POGK: variants seen among roughly 807,000 people sequenced by gnomAD.
POGK encodes pogo transposable element derived with KRAB domain, also known as pogo transposable element with KRAB domain.
Under a neutral mutation model 54.4 loss-of-function variants are expected in POGK, and 16 were observed. That is an observed-to-expected ratio of 0.29 (90% CI 0.20 to 0.45). The LOEUF is 0.45. Ranked by LOEUF, POGK falls within the 20% of genes least tolerant of loss-of-function variation. POGK has a pLI of 1.00. For synonymous variants in POGK, 271 were observed against 302.2 expected, an observed-to-expected ratio of 0.90 and a Z score of 1.07; for missense variants, 515 against 795.6, an observed-to-expected ratio of 0.65 and a Z score of 4.24.
Position 166,841,103 on chromosome 1 carries a change from G to A in POGK, c.132+15G>A. The A allele has an allele frequency of 6.2e-7, 1 of 1,612,720 alleles. No homozygotes were observed. The highest frequency in any genetic ancestry group is 1.7e-5 in the Admixed American group (1 of 59,984). ...AGGGCGGATGGGTAAGTAAGAAGGT[G>A]TGGAGTCCACACAGCCAGCAGATGC... On this transcript the variant is annotated intron_variant, in intron 2 of 5. Coordinates refer to ENST00000367876, the MANE Select transcript of POGK (RefSeq NM_017542.5).
Position 166,846,673 on chromosome 1 carries a change from C to T in POGK, c.194C>T (p.Thr65Met), listed in dbSNP as rs1461325646. The change falls in exon 3 of 6, where the codon ACG becomes ATG. Residue 65 changes from threonine to methionine, a missense_variant. Around this residue, in one of 2 missense-constraint regions of POGK, gnomAD observed 461 missense variants for 743.5 expected, o/e 0.62. Coordinates refer to ENST00000367876, the MANE Select transcript of POGK (RefSeq NM_017542.5). ...TCCGATGAGGAATGGGAAGTTTTGA[C>T]GGAGCAACAAAAGGCCCTCTACCGG... ...YFSDEEWEVL[T>M]EQQKALYREV... The T allele has an allele frequency of 2.5e-6, 4 of 1,613,984 alleles. No homozygotes were observed. The highest frequency in any genetic ancestry group is 3.4e-6 in the Non-Finnish European group (4 of 1,180,018).
intron 2 of POGK, among the ~76,000 whole-genome samples, chr1:166,843,125 T>C (rs1418793113): frequency 6.6e-6 from 1 of 152,224 alleles, no homozygotes; most frequent in Non-Finnish European, 1.5e-5. Context: ...TTAGTCATTA[T>C]GGAATCAGCC....
intron 2 of POGK, among the ~76,000 whole-genome samples, chr1:166,841,398 A>C (rs1255872107): frequency 6.6e-6 from 1 of 152,232 alleles, no homozygotes; most frequent in Non-Finnish European, 1.5e-5. Context: ...GTAGGCACCA[A>C]GTAAATGTTT....
Position 166,849,972 on chromosome 1 carries a change from C to T in POGK, c.1393C>T (p.Arg465Ter), listed in dbSNP as rs1657993683. The change falls in exon 5 of 6, where the codon CGA becomes TGA. Residue 465 changes from arginine (R) to a stop codon, truncating the protein, a stop_gained. Coordinates refer to ENST00000367876, the MANE Select transcript of POGK (RefSeq NM_017542.5). LOFTEE classifies it high-confidence loss of function. Reference sequence around the variant, plus strand: ...GAGGACAGGAGCAGTGCCCAAGCAGCGAGGGATGCTGATCTTGAATGGCTT... The same window carrying T: ...GAGGACAGGAGCAGTGCCCAAGCAGTGAGGGATGCTGATCTTGAATGGCTT... The part of the protein sequence containing the change: ...RRRTGAVPKQ[R>*]GMLILNGFRG... 1.2e-6 allele frequency: 2 copies of T among 1,614,166 alleles called. No individual in the cohort carries two copies. Among genetic ancestry groups the T allele is most frequent in the Non-Finnish European group, 8.5e-7 (1 of 1,180,036 alleles).
chr1:166,847,066 A>C (rs1454688162), intron 3 of POGK, among the ~76,000 whole-genome samples: 2 of 152,168 alleles, frequency 1.3e-5, no homozygotes, highest in Non-Finnish European at 2.9e-5. Flanking sequence ...CGTTAATGTT[A>C]CCCTGTCAGC....
chr1:166,849,383 A>T lies in POGK; in HGVS notation c.804A>T (p.Glu268Asp). Residue 268 changes from glutamate (E) to aspartate (D), a missense_variant, in exon 5 of 6, where the codon GAA (glutamate) becomes GAT (aspartate). By Grantham distance (45) the Glu-to-Asp change is conservative. Transcript: ENST00000367876. ...CTCTGGTGGACCAGCGTGTGGCCGA[A>T]TATGTCAGATACATGCAGGCCAAAG... Reference protein sequence around the residue: ...RFALVDQRVAEYVRYMQAKGD... With the variant: ...RFALVDQRVADYVRYMQAKGD... 5.6e-6 allele frequency: 9 copies of T among 1,614,218 alleles called. 1 individual carries two copies. The East Asian group carries it at 2.0e-4, about 36-fold the overall frequency.
chr1:166,848,689 G>A (rs1320309227), intron 4 of POGK, among the ~76,000 whole-genome samples: 1 of 152,186 alleles, frequency 6.6e-6, no homozygotes, highest in Non-Finnish European at 1.5e-5. Flanking sequence ...AACCTCTGTA[G>A]CCTCCCCTTC....
At position 166,849,333 on chromosome 1, in the gene POGK, C is replaced by T. The variant is rs774520557; in HGVS notation, c.754C>T (p.Arg252Ter). 2 of 1,614,154 alleles carry T rather than the reference C, an allele frequency of 1.2e-6. No individual in the cohort carries two copies. Among genetic ancestry groups the T allele is most frequent in the South Asian group, 1.1e-5 (1 of 91,082 alleles). The change falls in exon 5 of 6, where the codon CGA becomes TGA. Residue 252 changes from arginine (R) to a stop codon, truncating the protein, a stop_gained. Coordinates refer to ENST00000367876, the MANE Select transcript of POGK (RefSeq NM_017542.5). LOFTEE classifies it high-confidence loss of function. ...QNAHAMRRAF[R>*]GPKNGRFALV... ...CGCCCACGCCATGCGGCGGGCATTC[C>T]GAGGCCCCAAGAATGGGAGGTTTGC...
In POGK at chr1:166,854,635, GAC is replaced by G. The variant is rs1274399738; in HGVS notation, c.*2069_*2070del. 6.6e-6 allele frequency: 1 copy of G among 152,182 alleles called. No homozygotes were observed. Among genetic ancestry groups the G allele is most frequent in the Non-Finnish European group, 1.5e-5 (1 of 68,046 alleles). 9.4% of individuals were successfully genotyped at this position (152,182 alleles called of 1,614,324 possible). ...TGTAAGTAATATTGGTATCTGTGAA[GAC>G]ACAGGGAAGAACGTGTGCAGTGGGG... On this transcript the variant is annotated 3_prime_UTR_variant, in exon 6 of 6. Transcript: ENST00000367876.
At chr1:166,850,804 A>G (rs1027863692) in intron 5 of POGK, 1 of 162,532 alleles carries the variant, frequency 6.2e-6, no homozygotes, top group African/African-American at 2.4e-5. Context: ...CCTACCACCC[A>G]CTACCCCGCA....
intron 1 of POGK, 23 bp downstream of exon 1, chr1:166,839,627 G>A (rs1033396710): frequency 6.8e-6 from 1 of 146,252 alleles, no homozygotes. Flanking sequence ...GGGCGGGGGC[G>A]GCGGCGGCGC....
intron 2 of POGK, among the ~76,000 whole-genome samples, chr1:166,844,077 T>C (rs981058669): frequency 5.9e-5 from 9 of 152,206 alleles, no homozygotes; most frequent in African/African-American, 2.2e-4. Flanking sequence ...GTGAGGAGAA[T>C]GTCTAAGCCA....
chr1:166,848,482 G>A (rs1192008402), intron 4 of POGK, among the ~76,000 whole-genome samples: 3 of 152,178 alleles, frequency 2.0e-5, no homozygotes, highest in Non-Finnish European at 4.4e-5. Context: ...GGTTTTCTTG[G>A]TTCTAAAGGG....
In POGK at chr1:166,849,596, C is replaced by T. The variant is rs1657977308; in HGVS notation, c.1017C>T (p.Leu339=). 5 of 1,614,146 alleles carry T rather than the reference C, an allele frequency of 3.1e-6. No homozygotes were observed. Among genetic ancestry groups the T allele is most frequent in the Middle Eastern group, 1.6e-4 (1 of 6,084 alleles). ...TGCCGGAAGACCTGACTGAGAAACTCGTCACTTACCAGCGCAGTGTCCTGG... is the reference window on the plus strand; with the variant it reads ...TGCCGGAAGACCTGACTGAGAAACTTGTCACTTACCAGCGCAGTGTCCTGG... The part of the protein sequence containing the change: ...QHLPEDLTEK[L]VTYQRSVLAL... Residue 339 remains leucine, a synonymous_variant, in exon 5 of 6, where the codon CTC becomes CTT. Transcript: ENST00000367876.
At chr1:166,841,716 A>G (rs963175801) in intron 2 of POGK, among the ~76,000 whole-genome samples, 19 of 152,252 alleles carry the variant, frequency 1.2e-4, no homozygotes, top group Non-Finnish European at 2.4e-4. Flanking sequence ...AATAGTAAAC[A>G]TTTTAAATAA....
intron 4 of POGK, 132 bp downstream of exon 4, chr1:166,847,724 T>C: frequency 1.5e-6 from 1 of 661,398 alleles, no homozygotes; most frequent in East Asian, 2.8e-5. Context: ...TCTCCCTCTT[T>C]GCAGTGCTAA....
rs2232526 is a variant in POGK, at chr1:166,853,329, A to G, written c.*759A>G. The G allele has an allele frequency of 0.054, 8,162 of 152,534 alleles. 317 individuals are homozygous for G. Among genetic ancestry groups the G allele is most frequent in the East Asian group, 0.18 (938 of 5,160 alleles). The allele number at this position is 152,534 out of a possible 1,614,324, so 9.4% of individuals were successfully genotyped here. On this transcript the variant is annotated 3_prime_UTR_variant, in exon 6 of 6. Coordinates refer to ENST00000367876, the MANE Select transcript of POGK (RefSeq NM_017542.5). Reference sequence around the variant, plus strand: ...ATTTAATGGCCCTGTTTTTTTCATTATTATATTTAATGATAGGGCAGGATT... The same window carrying G: ...ATTTAATGGCCCTGTTTTTTTCATTGTTATATTTAATGATAGGGCAGGATT...
chr1:166,842,854 C>T (rs1410310377), intron 2 of POGK, among the ~76,000 whole-genome samples: 1 of 152,122 alleles, frequency 6.6e-6, no homozygotes, highest in African/African-American at 2.4e-5. Context: ...CACACACACA[C>T]ACACATACAC....
Position 166,846,681 on chromosome 1 carries a change from CA to C in POGK, c.206del (p.Lys69ArgfsTer8). 6.2e-7 allele frequency: 1 copy of C among 1,614,170 alleles called. No homozygotes were observed. Among genetic ancestry groups the C allele is most frequent in the Non-Finnish European group, 8.5e-7 (1 of 1,180,020 alleles). ...DEEWEVLTEQ[Q>X]KALYREVMRM... ...GGAATGGGAAGTTTTGACGGAGCAACAAAAGGCCCTCTACCGGGAAGTCATG... is the reference window on the plus strand; with the variant it reads ...GGAATGGGAAGTTTTGACGGAGCAACAAAGGCCCTCTACCGGGAAGTCATG... On this transcript the variant is annotated frameshift_variant, in exon 3 of 6. Transcript: ENST00000367876. LOFTEE classifies it high-confidence loss of function.
Sources: gnomAD v4.1 joint callset for allele counts (sites outside exome capture counted in the v4.1 genomes callset) on GRCh38, gnomAD v4.1.1 for gene constraint, gnomAD v4.1.1 regional missense constraint, MANE v1.5 for transcripts, NCBI Gene and HGNC (gene_info 2026-07-23, HGNC 2026-07-21) for gene names.